The following THBS1 variants were observed in gnomAD, a reference collection of about 807,000 sequenced individuals.
THBS1 encodes thrombospondin-1.
THBS1 carries 29 observed loss-of-function variants against 126.1 expected under a neutral mutation model. The observed-to-expected ratio is 0.23, with a 90% CI of 0.17 to 0.31. The LOEUF (loss-of-function observed/expected upper bound fraction) is 0.31. Among genes scored for constraint, THBS1 ranks in the 10% least tolerant of loss-of-function variants. THBS1 has a pLI of 1.00. For missense variants in THBS1, 1,198 were observed against 1,545.2 expected (o/e 0.78, Z 3.77); for synonymous variants, 496 against 577.8 (o/e 0.86, Z 2.03).
At chr15:39,586,248 A>G (rs1181695424) in intron 7 of THBS1, among the ~76,000 whole-genome samples, 5 of 152,242 alleles carry the variant, frequency 3.3e-5, no homozygotes, top group Non-Finnish European at 4.4e-5. Flanking sequence ...ACACACACAA[A>G]CACACCCTTG....
At position 39,598,899 on chromosome 15, in the gene THBS1, GCTCT is replaced by G. The variant is rs895129874; in HGVS notation, c.*3539_*3542del. 1.3e-5 allele frequency: 2 copies of G among 151,512 alleles called. No homozygotes were observed. The highest frequency in any genetic ancestry group is 2.9e-5 in the Non-Finnish European group (2 of 67,892). The allele number at this position is 151,512 out of a possible 1,614,324, so 9.4% of individuals were successfully genotyped here. ...CTGAATTCATTCCTTAAATAAATTG[GCTCT>G]CTCTCTCTTCTATAATTTCTTTTTC... On this transcript the variant is annotated 3_prime_UTR_variant, in exon 22 of 22. Transcript: ENST00000260356.
chr15:39,582,893 T>C (rs1890140381), intron 3 of THBS1, 141 bp downstream of exon 3: 13 of 964,086 alleles, frequency 1.3e-5, no homozygotes, highest in Non-Finnish European at 1.6e-5. Context: ...CCTGGAGGGC[T>C]TGTGAAAGCT....
chr15:39,582,189 A>G lies in THBS1; in HGVS notation c.68-4A>G. 6.3e-7 allele frequency: 1 copy of G among 1,592,160 alleles called. No individual in the cohort carries two copies. Among genetic ancestry groups the G allele is most frequent in the East Asian group, 2.2e-5 (1 of 44,692 alleles). ...CTCACTTTGTGTTCTCTCCTGTCTA[A>G]CAGAGTCTGGCGGAGACAACAGCGT... On this transcript the variant is annotated splice_polypyrimidine_tract_variant and splice_region_variant and intron_variant, in intron 2 of 21. Transcript: ENST00000260356.
At chr15:39,590,477 A>C (rs748188026) in intron 13 of THBS1, 39 bp from the exon 14 acceptor site, 4 of 1,510,076 alleles carry the variant, frequency 2.6e-6, no homozygotes, top group South Asian at 1.2e-5. Context: ...AGCATGAGGA[A>C]GGCAACTGAA....
chr15:39,583,471 T>C (rs965043593), intron 3 of THBS1, 146 bp from the exon 4 acceptor site: 2 of 585,994 alleles, frequency 3.4e-6, no homozygotes, highest in Non-Finnish European at 2.9e-6. Context: ...TGTTGCTGTG[T>C]TATTTTGACA....
rs775186482 is a variant in THBS1, at chr15:39,591,516, G to A, written c.2425G>A (p.Glu809Lys). 1.9e-6 allele frequency: 3 copies of A among 1,614,180 alleles called. No homozygotes were observed. The South Asian group carries it at 3.3e-5, about 18-fold the overall frequency. ...ADIDGDGILN[E>K]RDNCQYVYNV... is the part of the protein sequence containing the mutation. ...CTTGTTCTCTTCAGGTATCCTCAATGAACGGGACAACTGCCAGTACGTCTA... is the reference window on the plus strand; with the variant it reads ...CTTGTTCTCTTCAGGTATCCTCAATAAACGGGACAACTGCCAGTACGTCTA... The change falls in exon 16 of 22, where the codon GAA becomes AAA. Residue 809 changes from glutamate (E) to lysine (K), a missense_variant. This residue lies in a region of THBS1 where 663 missense variants were observed against 860.1 expected (regional missense o/e 0.77). Coordinates refer to ENST00000260356, the MANE Select transcript of THBS1 (RefSeq NM_003246.4).
chr15:39,584,899 C>T (rs1304081542), intron 6 of THBS1, among the ~76,000 whole-genome samples: 2 of 152,190 alleles, frequency 1.3e-5, no homozygotes, highest in Admixed American at 6.5e-5. Flanking sequence ...CTCTAGCATC[C>T]CCGCATGCCA....
rs17632916 is a variant in THBS1, at chr15:39,593,332, A to G, written c.2996-65A>G. ...ATCCCTGTGGGTGCTGAGGATGTCT[A>G]GGAACATGATGGAGAACCTTCTGAA... On this transcript the variant is annotated intron_variant, in intron 18 of 21. Transcript: ENST00000260356. The surrounding 1 kb of genome is among the most constrained non-coding windows in gnomAD (Gnocchi z 5.9). 0.15 allele frequency: 243,056 copies of G among 1,612,760 alleles called. 19,751 individuals are homozygous for G. The highest frequency in any genetic ancestry group is 0.17 in the Non-Finnish European group (201,457 of 1,179,156).
At position 39,597,577 on chromosome 15, in the gene THBS1, T is replaced by A. The variant is rs993107780; in HGVS notation, c.*2208T>A. The A allele has an allele frequency of 2.0e-5, 3 of 152,166 alleles. No individual in the cohort carries two copies. The highest frequency in any genetic ancestry group is 4.4e-5 in the Non-Finnish European group (3 of 68,020). The allele number at this position is 152,166 out of a possible 1,614,324, so 9.4% of individuals were successfully genotyped here. Reference sequence around the variant, plus strand: ...ATATACAAAAATAAATTACAGTAAGTCATAGCAACATTCACAGTTTGTATG... The same window carrying A: ...ATATACAAAAATAAATTACAGTAAGACATAGCAACATTCACAGTTTGTATG... On this transcript the variant is annotated 3_prime_UTR_variant, in exon 22 of 22. Transcript: ENST00000260356.
chr15:39,586,831 G>C (rs1890216725), intron 7 of THBS1: 1 of 152,286 alleles, frequency 6.6e-6, no homozygotes, highest in Non-Finnish European at 1.5e-5. Context: ...ATGAATAGGA[G>C]AGCATACACT....
In THBS1 at chr15:39,597,148, ATC is replaced by A. The variant is rs1890467867; in HGVS notation, c.*1782_*1783del. ...TTTTCTCATTGCCATTGGAATAGAT[ATC>A]TCAGATTGTGTAGATATGCTATTTA... On this transcript the variant is annotated 3_prime_UTR_variant, in exon 22 of 22. Transcript: ENST00000260356. 1 of 152,170 alleles carries A rather than the reference ATC, an allele frequency of 6.6e-6. No homozygotes were observed. Among genetic ancestry groups the A allele is most frequent in the South Asian group, 2.1e-4 (1 of 4,834 alleles). The allele number at this position is 152,170 out of a possible 1,614,324, so 9.4% of individuals were successfully genotyped here.
At chr15:39,583,746 A>C in intron 4 of THBS1, 54 bp downstream of exon 4, 1 of 1,556,904 alleles carries the variant, frequency 6.4e-7, no homozygotes, top group East Asian at 2.3e-5. Flanking sequence ...AATTCCACCA[A>C]AAACAAACTG....
At chr15:39,590,860 T>C in intron 14 of THBS1, 1 of 548,532 alleles carries the variant, frequency 1.8e-6, no homozygotes, top group Non-Finnish European at 3.2e-6. Flanking sequence ...TGAGAAATTA[T>C]AATGCATAAA....
At chr15:39,590,735 C>A in intron 14 of THBS1, 112 bp downstream of exon 14, 1 of 782,174 alleles carries the variant, frequency 1.3e-6, no homozygotes, top group Non-Finnish European at 2.1e-6. Flanking sequence ...CAAATCAATA[C>A]ACAGGATAAT....
At position 39,589,990 on chromosome 15, in the gene THBS1, G is replaced by A; in HGVS notation, c.2112G>A (p.Val704=). The change falls in exon 13 of 22, where the codon GTG becomes GTA. Residue 704 remains valine, a synonymous_variant. Transcript: ENST00000260356. This position sits in a 1 kb window ranked among gnomAD's most constrained non-coding sequence, Gnocchi z 4.7. ...DLDGWPNENL[V]CVANATYHCK... is the part of the protein sequence containing the mutation. Reference sequence around the variant, plus strand: ...ATGGCTGGCCCAATGAGAACCTGGTGTGCGTGGCCAATGCGACTTACCACT... The same window carrying A: ...ATGGCTGGCCCAATGAGAACCTGGTATGCGTGGCCAATGCGACTTACCACT... The A allele has an allele frequency of 6.2e-7, 1 of 1,612,284 alleles. No homozygotes were observed. The highest frequency in any genetic ancestry group is 8.5e-7 in the Non-Finnish European group (1 of 1,179,108).
intron 7 of THBS1, chr15:39,586,978 G>T (rs1430886021): frequency 6.2e-6 from 1 of 161,596 alleles, no homozygotes; most frequent in Non-Finnish European, 1.4e-5. Flanking sequence ...CTGCAACTTT[G>T]TGCCGGCTCA....
chr15:39,590,141 A>T, intron 13 of THBS1, 118 bp downstream of exon 13: 14 of 965,696 alleles, frequency 1.4e-5, no homozygotes, highest in African/African-American at 3.3e-5. Context: ...TAAATCTCCC[A>T]AAGGGAGAGG....
chr15:39,585,901 G>A (rs967419934), intron 7 of THBS1, among the ~76,000 whole-genome samples: 2 of 152,214 alleles, frequency 1.3e-5, no homozygotes, highest in African/African-American at 2.4e-5. Flanking sequence ...TAGTGGCACA[G>A]AGTTAAGAAA....
At position 39,585,378 on chromosome 15, in the gene THBS1, G is replaced by C. The variant is rs768208494; in HGVS notation, c.1027-92G>C. The C allele has an allele frequency of 3.4e-6, 4 of 1,163,010 alleles. No homozygotes were observed. In the African/African-American group the frequency reaches 6.1e-5, roughly 18 times the overall value. 72.0% of individuals were successfully genotyped at this position (1,163,010 alleles called of 1,614,324 possible). On this transcript the variant is annotated intron_variant, in intron 6 of 21. Coordinates refer to ENST00000260356, the MANE Select transcript of THBS1 (RefSeq NM_003246.4). ...CTAGAGCATTGACAGCCCTGACCAT[G>C]TTTTGGCTTGTAAAGGAAATGTTAC...
Sources: gnomAD v4.1 joint callset for allele counts (sites outside exome capture counted in the v4.1 genomes callset) on GRCh38, gnomAD v4.1.1 for gene constraint, gnomAD v4.1.1 regional missense constraint, Gnocchi (gnomAD v3.1) non-coding constraint, MANE v1.5 for transcripts, NCBI Gene and HGNC (gene_info 2026-07-23, HGNC 2026-07-21) for gene names.